Variants in GDE1 observed in about 807,000 individuals in gnomAD.
GDE1 encodes the protein glycerophosphodiester phosphodiesterase 1.
Under a neutral mutation model 32.2 loss-of-function variants are expected in GDE1, and 24 were observed. The ratio of observed to expected loss-of-function variants is 0.75; its 90% CI spans 0.54 to 1.05. GDE1 has a LOEUF of 1.05. Ranked by LOEUF, GDE1 falls within the 50% of genes least tolerant of loss-of-function variation. The probability of loss-of-function intolerance (pLI) is 0.00; values close to 1 mark genes in which losing one functional copy is unlikely to be tolerated. For missense variants in GDE1, 380 were observed against 415.0 expected, an observed-to-expected ratio of 0.92 and a Z score of 0.73; for synonymous variants, 159 against 158.6, an observed-to-expected ratio of 1.00 and a Z score of -0.02.
intron 4 of GDE1, among the ~76,000 whole-genome samples, chr16:19,507,376 T>G (rs969151774): frequency 1.3e-5 from 2 of 152,106 alleles, no homozygotes; most frequent in African/African-American, 4.8e-5. Context: ...TTTATGAAGG[T>G]ATGTTCTGCT....
At chr16:19,520,619 G>A (rs868753608) in intron 1 of GDE1, among the ~76,000 whole-genome samples, 10 of 151,850 alleles carry the variant, frequency 6.6e-5, no homozygotes, top group African/African-American at 2.2e-4. Context: ...CAGCTACTCC[G>A]GAGGCTGAGG....
chr16:19,510,431 C>A (rs2074168), intron 3 of GDE1, among the ~76,000 whole-genome samples: 6,696 of 152,092 alleles, frequency 0.044, 268 homozygotes, highest in East Asian at 0.18. Flanking sequence ...CCATAGTTGT[C>A]CATATAAGGC....
chr16:19,508,306 C>T (rs1969274001), intron 3 of GDE1, among the ~76,000 whole-genome samples: 1 of 152,076 alleles, frequency 6.6e-6, no homozygotes, highest in Non-Finnish European at 1.5e-5. Context: ...TAAGGGGCTC[C>T]CAATTCTTCC....
chr16:19,512,927 T>TTGTGTGTGTGTGTGTGTGTGTGTGTG, intron 2 of GDE1, among the ~76,000 whole-genome samples: 1 of 137,104 alleles, frequency 7.3e-6, no homozygotes, highest in African/African-American at 2.8e-5. Context: ...TGTATCTGTT[T>TTGTGTGTGTGTGTGTGTGTGTGTGTG]TGTGTGTGTG....
At chr16:19,518,485 T>C (rs1241415917) in intron 1 of GDE1, among the ~76,000 whole-genome samples, 1 of 152,208 alleles carries the variant, frequency 6.6e-6, no homozygotes, top group East Asian at 1.9e-4. Flanking sequence ...AGTAGGAAAC[T>C]TGCCCAGGGC....
chr16:19,507,141 AAAAT>A (rs79540258), intron 4 of GDE1, among the ~76,000 whole-genome samples: 10,954 of 143,380 alleles, frequency 0.076, 524 homozygotes, highest in East Asian at 0.17. Flanking sequence ...CCCGTCTTTT[AAAAT>A]AAATAAATAA....
rs1969263617 is a variant in GDE1, at chr16:19,507,599, A to T, written c.636+88T>A. The T allele has an allele frequency of 4.0e-6, 3 of 744,938 alleles. No homozygotes were observed. The East Asian group carries it at 7.4e-5, about 18-fold the overall frequency. 46.1% of individuals were successfully genotyped at this position (744,938 alleles called of 1,614,324 possible). Reference sequence around the variant, plus strand: ...CTGTGACCCTGATGCAGTTCAATTTAATAGGCATCTATCCTGTGCTTACGC... The same window carrying T: ...CTGTGACCCTGATGCAGTTCAATTTTATAGGCATCTATCCTGTGCTTACGC... On this transcript the variant is annotated intron_variant, in intron 4 of 5. Transcript: ENST00000353258.
intron 3 of GDE1, among the ~76,000 whole-genome samples, 159 bp from the exon 4 acceptor site, chr16:19,507,938 G>A (rs1468488431): frequency 6.6e-6 from 1 of 152,150 alleles, no homozygotes; most frequent in Non-Finnish European, 1.5e-5. Flanking sequence ...TTATCCACTG[G>A]GATGCATTTT....
rs188285823 is a variant in GDE1, at chr16:19,520,126, C to T, written c.261+1578G>A. On this transcript the variant is annotated intron_variant, in intron 1 of 5. Transcript: ENST00000353258. ...TATAAATGAGATATAGAAGGAAAAA[C>T]TTGATAAATGTGAGTTGAGTGTATT... Among the ~76,000 whole-genome samples, 8 of 152,176 alleles carry T rather than the reference C, an allele frequency of 5.3e-5. No individual in the cohort carries two copies. In the East Asian group the frequency reaches 1.5e-3, roughly 29 times the overall value.
intron 1 of GDE1, among the ~76,000 whole-genome samples, chr16:19,520,942 G>A (rs1237767849): frequency 6.6e-6 from 1 of 152,148 alleles, no homozygotes; most frequent in Non-Finnish European, 1.5e-5. Flanking sequence ...AAACTGATGT[G>A]AGTCCAGCTG....
intron 5 of GDE1, chr16:19,504,535 G>A: frequency 5.0e-6 from 1 of 201,646 alleles, no homozygotes; most frequent in Admixed American, 5.3e-5. Context: ...TGGGGAGGCT[G>A]GTGCCCACAG....
At chr16:19,503,639 TCC>T (rs757580610) in intron 5 of GDE1, 22 bp from the exon 6 acceptor site, 22 of 1,606,956 alleles carry the variant, frequency 1.4e-5, no homozygotes, top group Non-Finnish European at 1.9e-5. Flanking sequence ...GGAAAGCCAA[TCC>T]TGTTAGAATA....
At chr16:19,519,796 C>T (rs1209399982) in intron 1 of GDE1, among the ~76,000 whole-genome samples, 1 of 152,104 alleles carries the variant, frequency 6.6e-6, no homozygotes, top group Admixed American at 6.6e-5. Flanking sequence ...CACTTGAGGT[C>T]AGGAGTTTGA....
At chr16:19,515,695 C>T (rs541366718) in intron 2 of GDE1, among the ~76,000 whole-genome samples, 1 of 152,262 alleles carries the variant, frequency 6.6e-6, no homozygotes, top group South Asian at 2.1e-4. Context: ...TTCTTTCCTG[C>T]CTACAGTATG....
intron 3 of GDE1, 66 bp from the exon 4 acceptor site, chr16:19,507,845 A>G: frequency 1.3e-6 from 1 of 745,150 alleles, no homozygotes; most frequent in Admixed American, 2.2e-5. Context: ...CCAGCCAATA[A>G]CTATCACATA....
intron 2 of GDE1, among the ~76,000 whole-genome samples, chr16:19,511,348 C>T (rs1021508394): frequency 5.9e-5 from 9 of 152,186 alleles, no homozygotes; most frequent in Non-Finnish European, 1.2e-4. Flanking sequence ...AAGTGATCTA[C>T]CTGCCTTGGC....
chr16:19,514,753 A>G (rs1013461755), intron 2 of GDE1, among the ~76,000 whole-genome samples: 1 of 152,160 alleles, frequency 6.6e-6, no homozygotes, highest in African/African-American at 2.4e-5. Context: ...TTTCAACTGT[A>G]AGATCATGCT....
In GDE1 at chr16:19,507,664, A is replaced by G. The variant is rs141774851; in HGVS notation, c.636+23T>C. On this transcript the variant is annotated intron_variant, in intron 4 of 5. Transcript: ENST00000353258. ...ATCTACACCAGCTCACCTAATATGT[A>G]CAAGAAAAATCCCGAATGTTACCTT... is the stretch of plus-strand genomic sequence containing the variant. 2.9e-4 allele frequency: 345 copies of G among 1,207,132 alleles called. 1 individual carries two copies. The African/African-American group carries it at 4.4e-3, about 15-fold the overall frequency. 74.8% of individuals were successfully genotyped at this position (1,207,132 alleles called of 1,614,324 possible).
chr16:19,512,394 T>A (rs1383530751), intron 2 of GDE1, among the ~76,000 whole-genome samples: 1 of 152,178 alleles, frequency 6.6e-6, no homozygotes, highest in Non-Finnish European at 1.5e-5. Flanking sequence ...AATTAGGATT[T>A]GAATAGATGT....
Sources: allele counts gnomAD v4.1 joint callset (sites outside exome capture counted in the v4.1 genomes callset), GRCh38; gene constraint gnomAD v4.1.1; transcripts MANE v1.5; gene names NCBI Gene and HGNC (gene_info 2026-07-23, HGNC 2026-07-21).